Variants in MGAT4C observed in about 807,000 individuals in gnomAD.
The protein encoded by MGAT4C is alpha-1,3-mannosyl-glycoprotein 4-beta-N-acetylglucosaminyltransferase C.
In MGAT4C, 19 loss-of-function variants were observed where a neutral mutation model predicts 40.1. That is an observed-to-expected ratio of 0.47 (90% CI 0.33 to 0.70). The LOEUF is 0.70. Among genes scored for constraint, MGAT4C ranks in the 30% least tolerant of loss-of-function variants. MGAT4C has a pLI of 0.02. For missense variants in MGAT4C, 491 were observed against 563.2 expected (o/e 0.87, Z 1.30); for synonymous variants, 181 against 187.1 (o/e 0.97, Z 0.27).
chr12:86,123,119 C>T (rs1879690271), intron 1 of MGAT4C, among the ~76,000 whole-genome samples: 1 of 152,138 alleles, frequency 6.6e-6, no homozygotes, highest in Non-Finnish European at 1.5e-5. Context: ...TGCCGACCCT[C>T]CCAGAAATTA....
At chr12:86,299,154 C>T (rs1048157586) in intron 4 of MGAT4C, among the ~76,000 whole-genome samples, 1 of 152,082 alleles carries the variant, frequency 6.6e-6, no homozygotes, top group African/African-American at 2.4e-5. Flanking sequence ...CTCGCTCTGT[C>T]GCCCAGGCTG....
chr12:86,295,311 A>T (rs1051186603), intron 4 of MGAT4C, among the ~76,000 whole-genome samples: 44 of 152,176 alleles, frequency 2.9e-4, no homozygotes, highest in African/African-American at 1.0e-3. Context: ...GATAAAAGTA[A>T]TGTGCCTGGA....
At chr12:86,024,884 T>A (rs987109909) in intron 2 of MGAT4C, among the ~76,000 whole-genome samples, 1 of 151,710 alleles carries the variant, frequency 6.6e-6, no homozygotes, top group African/African-American at 2.4e-5. Flanking sequence ...TATCACATTT[T>A]AAAAATTTCT....
intron 1 of MGAT4C, among the ~76,000 whole-genome samples, chr12:86,743,052 G>A (rs919777534): frequency 6.6e-6 from 1 of 150,508 alleles, no homozygotes; most frequent in Non-Finnish European, 1.5e-5. Flanking sequence ...TTTTGCATGT[G>A]TGTATGTGTA....
At chr12:86,484,238 C>G (rs567540019) in intron 2 of MGAT4C, among the ~76,000 whole-genome samples, 1 of 152,140 alleles carries the variant, frequency 6.6e-6, no homozygotes, top group Non-Finnish European at 1.5e-5. Flanking sequence ...TGCAGTGGAA[C>G]ACCACCATAG....
intron 4 of MGAT4C, among the ~76,000 whole-genome samples, chr12:86,318,067 GATGAAAACCTCTC>G (rs1954290590): frequency 6.6e-6 from 1 of 151,872 alleles, no homozygotes; most frequent in Non-Finnish European, 1.5e-5. Flanking sequence ...AGATAATTTT[GATGAAAACCTCTC>G]AGAGAAATCA....
intron 1 of MGAT4C, among the ~76,000 whole-genome samples, chr12:86,739,483 G>A (rs1489392160): frequency 6.6e-6 from 1 of 150,700 alleles, no homozygotes; most frequent in Non-Finnish European, 1.5e-5. Flanking sequence ...CATATACATG[G>A]GTTCTACAAT....
intron 2 of MGAT4C, among the ~76,000 whole-genome samples, chr12:86,717,589 G>GT (rs1311648578): frequency 2.2e-4 from 33 of 152,018 alleles, no homozygotes; most frequent in African/African-American, 8.0e-4. Context: ...AAGTTGTGAG[G>GT]TTTTCTGAGA....
In MGAT4C at chr12:86,621,174, AT is replaced by A. The variant is rs201847234; in HGVS notation, c.-229+106034del. Among the ~76,000 whole-genome samples, 412 of 152,208 alleles carry A rather than the reference AT, an allele frequency of 2.7e-3. 2 individuals are homozygous for A. The highest frequency in any genetic ancestry group is 8.8e-3 in the African/African-American group (367 of 41,574). On this transcript the variant is annotated intron_variant, in intron 2 of 7. Coordinates refer to the MGAT4C transcript ENST00000548651. ...TGGTATTTATTTGTGAAATAAAAAA[AT>A]AGTACACATTCAAATTTTTTAAATT... is the stretch of plus-strand genomic sequence containing the variant.
At chr12:86,276,307 T>C (rs1454494139) in intron 4 of MGAT4C, among the ~76,000 whole-genome samples, 3 of 152,166 alleles carry the variant, frequency 2.0e-5, no homozygotes, top group Non-Finnish European at 4.4e-5. Flanking sequence ...ATATGGTGTC[T>C]ATATTTAACG....
intron 2 of MGAT4C, chr12:86,028,167 C>T (rs564862144): frequency 2.3e-6 from 3 of 1,288,160 alleles, no homozygotes; most frequent in East Asian, 5.6e-5. Context: ...CAAATCTGAC[C>T]ATGTCCTTCC....
intron 2 of MGAT4C, among the ~76,000 whole-genome samples, chr12:86,023,861 C>G (rs1890007677): frequency 6.6e-6 from 1 of 151,624 alleles, no homozygotes; most frequent in Admixed American, 6.6e-5. Context: ...ATTTAAAGGT[C>G]ACTTCCATGT....
chr12:86,812,301 T>G (rs544985498), intron 1 of MGAT4C, among the ~76,000 whole-genome samples: 1 of 152,274 alleles, frequency 6.6e-6, no homozygotes, highest in Non-Finnish European at 1.5e-5. Flanking sequence ...TCTATAAATG[T>G]CAGTTAGATC....
intron 2 of MGAT4C, among the ~76,000 whole-genome samples, chr12:86,473,375 G>A (rs1484007125): frequency 6.6e-6 from 1 of 152,176 alleles, no homozygotes; most frequent in Non-Finnish European, 1.5e-5. Context: ...ATCAGAGTTT[G>A]CACCTCTTTA....
At chr12:86,378,746 T>G (rs2136217989) in intron 3 of MGAT4C, among the ~76,000 whole-genome samples, 1 of 152,284 alleles carries the variant, frequency 6.6e-6, no homozygotes, top group Middle Eastern at 3.4e-3. Flanking sequence ...TAAATCAATC[T>G]CACGATACTA....
At chr12:86,363,157 A>G (rs968330188) in intron 3 of MGAT4C, among the ~76,000 whole-genome samples, 1 of 152,056 alleles carries the variant, frequency 6.6e-6, no homozygotes, top group African/African-American at 2.4e-5. Context: ...TATATAATAT[A>G]TTATCAATAT....
intron 2 of MGAT4C, among the ~76,000 whole-genome samples, chr12:86,449,589 G>A (rs1388954654): frequency 6.6e-6 from 1 of 152,022 alleles, no homozygotes; most frequent in Admixed American, 6.6e-5. Context: ...TGTACCCAAC[G>A]ACTCGGTGGT....
intron 1 of MGAT4C, among the ~76,000 whole-genome samples, chr12:86,152,179 T>A (rs139906919): frequency 1.0e-3 from 156 of 152,356 alleles, no homozygotes; most frequent in Non-Finnish European, 2.0e-3. Context: ...TCATGGTAAG[T>A]AAGCTTATTG....
chr12:86,682,038 T>A (rs1030745205), intron 2 of MGAT4C, among the ~76,000 whole-genome samples: 4 of 151,970 alleles, frequency 2.6e-5, no homozygotes, highest in African/African-American at 9.7e-5. Flanking sequence ...CCCAAAGTAA[T>A]CTCCAGTGGA....
Sources: allele counts gnomAD v4.1 joint callset (sites outside exome capture counted in the v4.1 genomes callset), GRCh38; gene constraint gnomAD v4.1.1; transcripts MANE v1.5; gene names NCBI Gene and HGNC (gene_info 2026-07-23, HGNC 2026-07-21).